XKR6: variants seen among roughly 807,000 people sequenced by gnomAD.
XKR6 encodes the protein XK-related protein 6.
A neutral mutation model predicts 56.7 loss-of-function variants in XKR6; 22 were observed. The ratio of observed to expected loss-of-function variants is 0.39; its 90% CI spans 0.28 to 0.55. The LOEUF is 0.55. Ranked by LOEUF, XKR6 falls within the 20% of genes least tolerant of loss-of-function variation. The pLI is 0.66. For synonymous variants in XKR6, 524 were observed against 387.8 expected (o/e 1.35, Z -4.13); for missense variants, 852 against 889.0 (o/e 0.96, Z 0.53).
intron 1 of XKR6, among the ~76,000 whole-genome samples, chr8:11,141,150 G>A (rs1342365469): frequency 6.6e-6 from 1 of 152,192 alleles, no homozygotes; most frequent in African/African-American, 2.4e-5. Context: ...GACTTTAACT[G>A]TATTCAGTAG....
intron 2 of XKR6, among the ~76,000 whole-genome samples, chr8:10,901,770 G>A (rs1299750873): frequency 6.6e-6 from 1 of 152,198 alleles, no homozygotes; most frequent in East Asian, 1.9e-4. Context: ...CTTAGCTTCT[G>A]CTGGGGCCTG....
chr8:11,089,233 C>A (rs562317858), intron 1 of XKR6, among the ~76,000 whole-genome samples: 3 of 152,298 alleles, frequency 2.0e-5, no homozygotes, highest in East Asian at 3.9e-4. Flanking sequence ...GATGCAGGGA[C>A]TGCAACTCGA....
intron 1 of XKR6, among the ~76,000 whole-genome samples, chr8:11,118,548 T>C (rs1799290963): frequency 1.3e-5 from 2 of 152,254 alleles, no homozygotes; most frequent in Non-Finnish European, 2.9e-5. Context: ...AGAGTGTATG[T>C]GTCAAGGCAT....
intron 1 of XKR6, among the ~76,000 whole-genome samples, chr8:11,030,292 G>T (rs992152924): frequency 2.0e-5 from 3 of 152,150 alleles, no homozygotes; most frequent in African/African-American, 4.8e-5. Context: ...ATGGTCCCAA[G>T]GCCAGCCACA....
intron 2 of XKR6, among the ~76,000 whole-genome samples, chr8:10,923,826 A>G (rs906447627): frequency 6.6e-6 from 1 of 152,132 alleles, no homozygotes; most frequent in Non-Finnish European, 1.5e-5. Context: ...ACCCCTCCTC[A>G]TGGCTGCCTG....
intron 1 of XKR6, among the ~76,000 whole-genome samples, chr8:11,155,730 C>T (rs893681674): frequency 6.6e-6 from 1 of 152,200 alleles, no homozygotes. Flanking sequence ...CCCTACCTTA[C>T]TCAAACCTCC....
rs140838095 is a variant in XKR6 at position 10,966,361 on chromosome 8, C to T, written c.765-41531G>A. 2.8e-3 allele frequency among the ~76,000 whole-genome samples: 421 copies of T among 152,182 alleles called. 2 individuals are homozygous for T. The highest frequency in any genetic ancestry group is 9.7e-3 in the African/African-American group (402 of 41,536). ...CCTGTACCATCACCATTAGCATCAC[C>T]GAGAAATGTATTAAAAACGCAAGTT... On this transcript the variant is annotated intron_variant, in intron 1 of 2. Transcript: ENST00000416569.
chr8:11,058,498 T>C (rs1001607195), intron 1 of XKR6, among the ~76,000 whole-genome samples: 2 of 152,336 alleles, frequency 1.3e-5, no homozygotes, highest in Middle Eastern at 3.4e-3. Flanking sequence ...CATGGAATAC[T>C]ATGCAGCCAT....
chr8:10,915,979 T>C (rs538804102), intron 2 of XKR6, among the ~76,000 whole-genome samples: 2 of 152,366 alleles, frequency 1.3e-5, no homozygotes, highest in Non-Finnish European at 2.9e-5. Flanking sequence ...TGCAATGCCA[T>C]GAGCGCCCGG....
intron 1 of XKR6, among the ~76,000 whole-genome samples, chr8:11,114,277 G>C (rs1037605086): frequency 1.3e-5 from 2 of 152,056 alleles, no homozygotes; most frequent in African/African-American, 2.4e-5. Flanking sequence ...TTAGCCGCTG[G>C]GTATCGTAAC....
intron 1 of XKR6, among the ~76,000 whole-genome samples, chr8:11,198,981 G>A (rs1417549377): frequency 6.6e-6 from 1 of 151,712 alleles, no homozygotes; most frequent in Non-Finnish European, 1.5e-5. Flanking sequence ...GACTTTGAGT[G>A]TGTGGGTGTT....
intron 1 of XKR6, among the ~76,000 whole-genome samples, chr8:11,008,441 G>C (rs1028684834): frequency 6.3e-5 from 1 of 15,960 alleles, no homozygotes; most frequent in Admixed American, 6.5e-4. Flanking sequence ...TTTTTTTTTT[G>C]ACAGGGTCTC....
intron 1 of XKR6, among the ~76,000 whole-genome samples, chr8:11,199,290 C>T (rs1804066324): frequency 6.6e-6 from 1 of 152,208 alleles, no homozygotes; most frequent in Non-Finnish European, 1.5e-5. Context: ...TGCATCTACT[C>T]TCATGATTTG....
At chr8:11,070,576 T>C (rs1398303135) in intron 1 of XKR6, among the ~76,000 whole-genome samples, 1 of 152,182 alleles carries the variant, frequency 6.6e-6, no homozygotes, top group Non-Finnish European at 1.5e-5. Flanking sequence ...GGTTCCATCC[T>C]GAAATATGCC....
chr8:11,190,204 A>AAAAG (rs34031400), intron 1 of XKR6, among the ~76,000 whole-genome samples: 43,773 of 120,462 alleles, frequency 0.36, 7,432 homozygotes, highest in Non-Finnish European at 0.41. Flanking sequence ...AGAAAGAAAG[A>AAAAG]AAAGAAAGAA....
chr8:11,069,945 A>G (rs1800074959), intron 1 of XKR6, among the ~76,000 whole-genome samples: 1 of 152,236 alleles, frequency 6.6e-6, no homozygotes, highest in South Asian at 2.1e-4. Context: ...CCCAAGGATT[A>G]GTCAATAGAG....
intron 1 of XKR6, among the ~76,000 whole-genome samples, chr8:10,978,998 G>A (rs7010262): frequency 0.47 from 71,758 of 151,868 alleles, 17,829 homozygotes; most frequent in African/African-American, 0.54. Context: ...AGACCCATCT[G>A]TCCACCCCCT....
chr8:11,047,190 T>C (rs1168374259), intron 1 of XKR6, among the ~76,000 whole-genome samples: 2 of 152,234 alleles, frequency 1.3e-5, no homozygotes, highest in Admixed American at 6.5e-5. Context: ...GAAGCTACAC[T>C]AATTAGCTTA....
intron 1 of XKR6, among the ~76,000 whole-genome samples, chr8:11,183,756 C>T (rs1741286138): frequency 6.6e-6 from 1 of 152,122 alleles, no homozygotes; most frequent in Non-Finnish European, 1.5e-5. Flanking sequence ...ATTAATATTA[C>T]TATAAGGCCC....
Sources: gnomAD v4.1 joint callset for allele counts (sites outside exome capture counted in the v4.1 genomes callset) on GRCh38, gnomAD v4.1.1 for gene constraint, MANE v1.5 for transcripts, NCBI Gene and HGNC (gene_info 2026-07-23, HGNC 2026-07-21) for gene names.